LINGO2: variants seen among roughly 807,000 people sequenced by gnomAD.
The protein encoded by LINGO2 is leucine rich repeat and Ig domain containing 2.
In LINGO2, 14 loss-of-function variants were observed where a neutral mutation model predicts 30.6. That is an observed-to-expected ratio of 0.46 (90% CI 0.30 to 0.72). LINGO2 has a LOEUF of 0.72. LINGO2 is among the 30% of genes least tolerant of loss of function. The pLI is 0.07. For missense variants in LINGO2, 729 were observed against 751.7 expected (o/e 0.97, Z 0.35); for synonymous variants, 317 against 288.5 (o/e 1.10, Z -1.00).
In LINGO2 at chr9:28,129,727, G is replaced by A. The variant is rs1027440037; in HGVS notation, c.-86-117322C>T. ...AATTTGAAAATTTCATTGCTCAAAT[G>A]TACAGAAATTTGGTATAGACATATT... is the stretch of plus-strand genomic sequence containing the variant. On this transcript the variant is annotated intron_variant, in intron 4 of 5. Transcript: ENST00000379992. This position sits in a 1 kb window ranked among gnomAD's most constrained non-coding sequence, Gnocchi z 4.0. 2.6e-5 allele frequency: 4 copies of A among 152,218 alleles called. No homozygotes were observed. Among genetic ancestry groups the A allele is most frequent in the African/African-American group, 7.2e-5 (3 of 41,456 alleles). 9.4% of individuals were successfully genotyped at this position (152,218 alleles called of 1,614,324 possible).
Position 28,287,832 on chromosome 9 carries a change from CA to C in LINGO2, c.-87+7375del, listed in dbSNP as rs560542367. ...TGTGTGCATATGTGCACTGCTGTGA[CA>C]AAAAACACACAAGCTCTTTTCATCC... On this transcript the variant is annotated intron_variant, in intron 4 of 5. Coordinates refer to ENST00000379992, the Ensembl canonical transcript of LINGO2. 2.9e-3 allele frequency among the ~76,000 whole-genome samples: 444 copies of C among 151,998 alleles called. 3 individuals carry two copies. The highest frequency in any genetic ancestry group is 0.01 in the African/African-American group (419 of 41,454).
chr9:29,027,431 A>G, the LINGO2 span, among the ~76,000 whole-genome samples: 1 of 152,156 alleles, frequency 6.6e-6, no homozygotes, highest in African/African-American at 2.4e-5. Flanking sequence ...TCCATCTTTC[A>G]GGTTCAAGTG....
At chr9:28,380,367 T>C (rs989412262) in intron 2 of LINGO2, among the ~76,000 whole-genome samples, 1 of 146,746 alleles carries the variant, frequency 6.8e-6, no homozygotes, top group Non-Finnish European at 1.5e-5. Context: ...GGGGAGTAAA[T>C]CATTGACTCA....
chr9:29,000,957 AT>A, the LINGO2 span, among the ~76,000 whole-genome samples: 1 of 152,018 alleles, frequency 6.6e-6, no homozygotes, highest in African/African-American at 2.4e-5. Flanking sequence ...TTAAGGAATA[AT>A]ATCAGAATTT....
At chr9:28,817,185 C>T in the LINGO2 span, among the ~76,000 whole-genome samples, 5 of 151,774 alleles carry the variant, frequency 3.3e-5, no homozygotes, top group Non-Finnish European at 5.9e-5. Flanking sequence ...AAAGAGAAAA[C>T]TTTAATACGT....
chr9:28,644,233 T>A (rs759480392), intron 1 of LINGO2, among the ~76,000 whole-genome samples: 1 of 152,084 alleles, frequency 6.6e-6, no homozygotes, highest in Admixed American at 6.6e-5. Context: ...ATCGAAGAGA[T>A]AGCTGCACTC....
At chr9:28,639,509 C>G (rs548890611) in intron 1 of LINGO2, among the ~76,000 whole-genome samples, 2 of 151,816 alleles carry the variant, frequency 1.3e-5, no homozygotes. Flanking sequence ...TGCTCCTGTG[C>G]TGGGTGCATA....
the LINGO2 span, among the ~76,000 whole-genome samples, chr9:28,797,868 A>G: frequency 1.5e-4 from 23 of 152,152 alleles, no homozygotes; most frequent in African/African-American, 5.1e-4. Context: ...AGCACTCAGT[A>G]TTTTAGGGGA....
At chr9:28,951,244 G>A in the LINGO2 span, among the ~76,000 whole-genome samples, 2 of 152,074 alleles carry the variant, frequency 1.3e-5, no homozygotes, top group African/African-American at 2.4e-5. Context: ...ATTAACTCTA[G>A]ATGGATTAAA....
intron 3 of LINGO2, among the ~76,000 whole-genome samples, chr9:28,310,971 G>C (rs1173504561): frequency 6.6e-6 from 1 of 151,932 alleles, no homozygotes; most frequent in Non-Finnish European, 1.5e-5. Flanking sequence ...TACTAATATT[G>C]GGGGAAATTC....
intron 1 of LINGO2, among the ~76,000 whole-genome samples, chr9:28,619,342 A>G (rs901112051): frequency 2.6e-5 from 4 of 152,150 alleles, no homozygotes; most frequent in African/African-American, 7.2e-5. Context: ...AGGATTCGAC[A>G]AAACAAAGAA....
chr9:28,057,553 GTATA>G (rs1190278585), intron 4 of LINGO2, among the ~76,000 whole-genome samples: 1 of 83,670 alleles, frequency 1.2e-5, no homozygotes, highest in African/African-American at 4.3e-5. Flanking sequence ...ATGTATATAA[GTATA>G]TATATATACA....
chr9:28,485,340 G>A (rs769117713), intron 1 of LINGO2, among the ~76,000 whole-genome samples: 2 of 152,070 alleles, frequency 1.3e-5, no homozygotes, highest in Non-Finnish European at 1.5e-5. Flanking sequence ...ATGATACAAA[G>A]TAATATCATC....
the LINGO2 span, among the ~76,000 whole-genome samples, chr9:28,768,269 C>G: frequency 6.6e-6 from 1 of 152,172 alleles, no homozygotes; most frequent in African/African-American, 2.4e-5. Flanking sequence ...ATTCTGAACT[C>G]ATGAATTTAA....
chr9:29,098,082 T>A, the LINGO2 span, among the ~76,000 whole-genome samples: 2 of 152,208 alleles, frequency 1.3e-5, no homozygotes, highest in Non-Finnish European at 2.9e-5. Context: ...GATGAATGAA[T>A]AAAATACCTA....
At chr9:29,055,571 T>C in the LINGO2 span, among the ~76,000 whole-genome samples, 1 of 152,176 alleles carries the variant, frequency 6.6e-6, no homozygotes, top group East Asian at 1.9e-4. Context: ...AACTTTAATT[T>C]TTTATTTGAA....
At chr9:28,145,317 T>C (rs1212049463) in intron 4 of LINGO2, among the ~76,000 whole-genome samples, 1 of 152,196 alleles carries the variant, frequency 6.6e-6, no homozygotes, top group African/African-American at 2.4e-5. Context: ...GGATAATTTG[T>C]AGTCTAAACT....
chr9:28,313,715 G>A (rs974138630), intron 3 of LINGO2, among the ~76,000 whole-genome samples: 1 of 152,128 alleles, frequency 6.6e-6, no homozygotes, highest in African/African-American at 2.4e-5. Context: ...AATGAAATTA[G>A]CATGAAGTAA....
intron 1 of LINGO2, among the ~76,000 whole-genome samples, chr9:28,631,609 G>T (rs1335512800): frequency 6.6e-6 from 1 of 152,066 alleles, no homozygotes; most frequent in Middle Eastern, 3.2e-3. Flanking sequence ...TAATATTGGG[G>T]AAAGTGTATG....
Sources: gnomAD v4.1 joint callset for allele counts (sites outside exome capture counted in the v4.1 genomes callset) on GRCh38, gnomAD v4.1.1 for gene constraint, Gnocchi (gnomAD v3.1) non-coding constraint, MANE v1.5 for transcripts, NCBI Gene and HGNC (gene_info 2026-07-23, HGNC 2026-07-21) for gene names.